The following TET2 variants were observed in gnomAD, a reference collection of about 807,000 sequenced individuals.
TET2 encodes the protein methylcytosine dioxygenase TET2.
Under a neutral mutation model 142.9 loss-of-function variants are expected in TET2, and 299 were observed. That is an observed-to-expected ratio of 2.09 (90% CI 1.90 to 2.30). The LOEUF is 2.30. Among genes scored for constraint, TET2 ranks in the 30% most tolerant of loss-of-function variants. The probability of loss-of-function intolerance (pLI) is 0.00; values close to 1 mark genes in which losing one functional copy is unlikely to be tolerated. For synonymous variants in TET2, 819 were observed against 849.0 expected (o/e 0.96, Z 0.61); for missense variants, 2,418 against 2,378.0 (o/e 1.02, Z -0.35).
chr4:105,202,937 G>C (rs1726565309), intron 2 of TET2, among the ~76,000 whole-genome samples: 2 of 152,190 alleles, frequency 1.3e-5, no homozygotes, highest in Non-Finnish European at 2.9e-5. Flanking sequence ...ACAGGGCAGA[G>C]TATGAGTAAT....
Position 105,276,585 on chromosome 4 carries a change from C to T in TET2, c.*66C>T. On this transcript the variant is annotated 3_prime_UTR_variant, in exon 11 of 11. Coordinates refer to ENST00000380013, the MANE Select transcript of TET2 (RefSeq NM_001127208.3). Reference sequence around the variant, plus strand: ...CAACCAACCTGTCAGTAGTATAGTTCTCATGACGTGGGCAGTGGGGAAAGG... The same window carrying T: ...CAACCAACCTGTCAGTAGTATAGTTTTCATGACGTGGGCAGTGGGGAAAGG... 6.8e-7 allele frequency: 1 copy of T among 1,471,424 alleles called. No individual in the cohort carries two copies. The allele number at this position is 1,471,424 out of a possible 1,614,324, so 91.1% of individuals were successfully genotyped here.
At chr4:105,207,146 A>C (rs760792081) in intron 2 of TET2, among the ~76,000 whole-genome samples, 6 of 152,194 alleles carry the variant, frequency 3.9e-5, no homozygotes, top group Non-Finnish European at 7.3e-5. Context: ...GAGGTGACTG[A>C]CCAGTTGCTT....
chr4:105,218,072 A>G (rs1465047524), intron 2 of TET2, among the ~76,000 whole-genome samples: 2 of 152,102 alleles, frequency 1.3e-5, no homozygotes, highest in African/African-American at 4.8e-5. Flanking sequence ...ATCAATTAAT[A>G]ATCAAGAATT....
chr4:105,257,370 T>G (rs1002442119), intron 6 of TET2, among the ~76,000 whole-genome samples: 7 of 152,222 alleles, frequency 4.6e-5, no homozygotes, highest in Non-Finnish European at 1.0e-4. Flanking sequence ...TTGTTGTTTA[T>G]TTCTTTTTAA....
intron 2 of TET2, among the ~76,000 whole-genome samples, chr4:105,217,338 A>G (rs1044892699): frequency 6.6e-6 from 1 of 152,102 alleles, no homozygotes; most frequent in African/African-American, 2.4e-5. Context: ...TTGCATAGGT[A>G]TGTGTCCTTT....
At chr4:105,253,145 T>A (rs953251331) in intron 6 of TET2, among the ~76,000 whole-genome samples, 1 of 152,152 alleles carries the variant, frequency 6.6e-6, no homozygotes, top group Admixed American at 6.5e-5. Context: ...AAAAGCAGTC[T>A]GAAAAGGCTA....
chr4:105,274,863 G>T (rs1054640575), intron 10 of TET2, among the ~76,000 whole-genome samples, 185 bp from the exon 11 acceptor site: 1 of 151,926 alleles, frequency 6.6e-6, no homozygotes, highest in Non-Finnish European at 1.5e-5. Flanking sequence ...TATTTCTAAT[G>T]CCTTAGACAA....
chr4:105,162,342 G>T (rs1483920137), intron 1 of TET2, among the ~76,000 whole-genome samples: 6 of 152,238 alleles, frequency 3.9e-5, no homozygotes, highest in South Asian at 2.1e-4. Context: ...AGAAAGAGTG[G>T]TGTCTATCTT....
chr4:105,222,506 A>G (rs1163748850), intron 2 of TET2, among the ~76,000 whole-genome samples: 1 of 152,226 alleles, frequency 6.6e-6, no homozygotes, highest in Non-Finnish European at 1.5e-5. Flanking sequence ...GGCTGCATAA[A>G]TGTCTTCTTT....
rs905909268 is a variant in TET2 at position 105,276,592 on chromosome 4, C to T, written c.*73C>T. 6.9e-5 allele frequency: 100 copies of T among 1,447,822 alleles called. 1 individual carries two copies. The highest frequency in any genetic ancestry group is 5.6e-4 in the South Asian group (39 of 69,844). The allele number at this position is 1,447,822 out of a possible 1,614,324, so 89.7% of individuals were successfully genotyped here. On this transcript the variant is annotated 3_prime_UTR_variant, in exon 11 of 11. Transcript: ENST00000380013. ...CCTGTCAGTAGTATAGTTCTCATGA[C>T]GTGGGCAGTGGGGAAAGGTCACAGT...
rs190803765 is a variant in TET2, at chr4:105,160,778, T to G, written c.-193+13799T>G. On this transcript the variant is annotated intron_variant, in intron 1 of 10. Coordinates refer to ENST00000380013, the MANE Select transcript of TET2 (RefSeq NM_001127208.3). ...TTGGGGGTTTTTTGGTTTGTTGGTTTGTTTGTTTGTTTGTTTTTGACAGAG... is the reference window on the plus strand; with the variant it reads ...TTGGGGGTTTTTTGGTTTGTTGGTTGGTTTGTTTGTTTGTTTTTGACAGAG... Among the ~76,000 whole-genome samples, 119 of 140,282 alleles carry G rather than the reference T, an allele frequency of 8.5e-4. 3 individuals are homozygous for G. The highest frequency in any genetic ancestry group is 3.6e-3 in the African/African-American group (109 of 30,412). 92.0% of individuals were successfully genotyped at this position (140,282 alleles called of 152,430 possible).
At chr4:105,252,946 T>A (rs1729942795) in intron 6 of TET2, among the ~76,000 whole-genome samples, 1 of 152,174 alleles carries the variant, frequency 6.6e-6, no homozygotes, top group Non-Finnish European at 1.5e-5. Context: ...TTGATTATAA[T>A]TAAGTGGTCT....
chr4:105,265,662 C>A (rs967145093), intron 8 of TET2, among the ~76,000 whole-genome samples: 4 of 152,110 alleles, frequency 2.6e-5, no homozygotes, highest in African/African-American at 9.7e-5. Flanking sequence ...ATGAAGCCAC[C>A]ACAAACTTTT....
At chr4:105,231,996 C>T (rs1178292716) in intron 2 of TET2, among the ~76,000 whole-genome samples, 2 of 152,112 alleles carry the variant, frequency 1.3e-5, no homozygotes, top group Non-Finnish European at 2.9e-5. Flanking sequence ...AAGCGTAGTA[C>T]TTAATAGGTA....
intron 2 of TET2, among the ~76,000 whole-genome samples, chr4:105,209,114 A>G (rs1330170525): frequency 2.4e-5 from 3 of 124,746 alleles, no homozygotes; most frequent in Non-Finnish European, 5.2e-5. Flanking sequence ...AGCGAGGGGC[A>G]CTTCTAGCAA....
At chr4:105,233,755 G>A (rs1025251514) in intron 2 of TET2, 142 bp from the exon 3 acceptor site, 6 of 536,758 alleles carry the variant, frequency 1.1e-5, no homozygotes, top group Non-Finnish European at 1.9e-5. Flanking sequence ...TATGAAACAT[G>A]AAAATAAATA....
chr4:105,204,232 T>TACACACAC (rs762266771), intron 2 of TET2, among the ~76,000 whole-genome samples: 1,128 of 107,596 alleles, frequency 0.01, 11 homozygotes, highest in African/African-American at 0.025. Context: ...AAAAAAAATA[T>TACACACAC]ATACACACAC....
Position 105,235,049 on chromosome 4 carries a change from G to A in TET2, c.1107G>A (p.Arg369=), listed in dbSNP as rs1728760013. 2.5e-6 allele frequency: 4 copies of A among 1,613,974 alleles called. No homozygotes were observed. The highest frequency in any genetic ancestry group is 1.3e-5 in the African/African-American group (1 of 74,906). Residue 369 remains arginine, a synonymous_variant, in exon 3 of 11, where the codon CGG becomes CGA. Coordinates refer to ENST00000380013, the MANE Select transcript of TET2 (RefSeq NM_001127208.3). ...AAGCTCCTGGTGGCAGCTCTGAACG[G>A]TATTTAAAACAAAATGAAATGAATG... ...NLQAPGGSSE[R]YLKQNEMNGA...
chr4:105,153,247 A>G (rs1020011768), intron 1 of TET2, among the ~76,000 whole-genome samples: 24 of 152,238 alleles, frequency 1.6e-4, no homozygotes, highest in Non-Finnish European at 7.3e-5. Flanking sequence ...TCATATCACA[A>G]CCATGATACT....
Sources: allele counts gnomAD v4.1 joint callset (sites outside exome capture counted in the v4.1 genomes callset), GRCh38; gene constraint gnomAD v4.1.1; transcripts MANE v1.5; gene names NCBI Gene and HGNC (gene_info 2026-07-23, HGNC 2026-07-21).